Variants in GFPT2 observed in about 807,000 individuals in gnomAD.
GFPT2 encodes glutamine--fructose-6-phosphate aminotransferase [isomerizing] 2.
GFPT2 carries 62 observed loss-of-function variants against 85.6 expected under a neutral mutation model. The ratio of observed to expected loss-of-function variants is 0.72; its 90% CI spans 0.59 to 0.90. GFPT2 has a LOEUF of 0.90. GFPT2 is among the 40% of genes least tolerant of loss of function. The pLI is 0.00. For synonymous variants in GFPT2, 368 were observed against 344.5 expected (o/e 1.07, Z -0.75); for missense variants, 788 against 893.4 (o/e 0.88, Z 1.50).
intron 1 of GFPT2, chr5:180,352,300 C>A: frequency 2.5e-6 from 1 of 403,732 alleles, no homozygotes; most frequent in Non-Finnish European, 4.8e-6. Context: ...GGTCCTCCAG[C>A]CACAGGAGGC....
In GFPT2 at chr5:180,338,494, T is replaced by A. The variant is rs1170866065; in HGVS notation, c.114A>T (p.Ala38=). Residue 38 remains alanine, a splice_region_variant and synonymous_variant, in exon 2 of 19, where the codon GCA becomes GCT. Transcript: ENST00000253778. The part of the protein sequence containing the change: ...QRLEYRGYDS[A]GVAIDGNNHE... ...CGAGGCGGGCGGCCGCACACCCACCTGCCGAGTCGTAGCCTCTGTACTCCA... is the reference window on the plus strand; with the variant it reads ...CGAGGCGGGCGGCCGCACACCCACCAGCCGAGTCGTAGCCTCTGTACTCCA... 1 of 1,581,958 alleles carries A rather than the reference T, an allele frequency of 6.3e-7. No individual in the cohort carries two copies. The highest frequency in any genetic ancestry group is 2.2e-5 in the East Asian group (1 of 44,648).
chr5:180,313,589 CA>C (rs537260754), intron 14 of GFPT2, among the ~76,000 whole-genome samples: 2 of 139,158 alleles, frequency 1.4e-5, no homozygotes, highest in African/African-American at 5.3e-5. Flanking sequence ...GACTCCGTCT[CA>C]AAAAAAATAA....
intron 13 of GFPT2, among the ~76,000 whole-genome samples, chr5:180,316,046 T>C (rs1193476081): frequency 6.6e-6 from 1 of 152,210 alleles, no homozygotes; most frequent in Non-Finnish European, 1.5e-5. Context: ...AAGTGGTCCT[T>C]GAAGTCTTGG....
At position 180,330,770 on chromosome 5, in the gene GFPT2, T is replaced by C. The variant is rs1325466615; in HGVS notation, c.464A>G (p.Tyr155Cys). The change falls in exon 6 of 19, where the codon TAT becomes TGT. Residue 155 changes from tyrosine to cysteine, a missense_variant. Transcript: ENST00000253778. This position sits in a 1 kb window ranked among gnomAD's most constrained non-coding sequence, Gnocchi z 4.4. ...DTETIAKLIK[Y>C]VFDNRETEDI... ...CTCAGTTTCTCTGTTGTCGAACACA[T>C]ATTTAATCAGCTTGGCGATGGTCTC... The C allele has an allele frequency of 6.2e-7, 1 of 1,613,106 alleles. No individual in the cohort carries two copies. The highest frequency in any genetic ancestry group is 1.3e-5 in the African/African-American group (1 of 75,034).
chr5:180,337,868 T>C (rs1764431892), intron 2 of GFPT2, among the ~76,000 whole-genome samples: 1 of 152,190 alleles, frequency 6.6e-6, no homozygotes, highest in Non-Finnish European at 1.5e-5. Context: ...CCCTCTTGGC[T>C]GGGCTCACTG....
intron 6 of GFPT2, among the ~76,000 whole-genome samples, chr5:180,329,893 C>T (rs199511425): frequency 1.4e-3 from 209 of 152,322 alleles, no homozygotes; most frequent in Non-Finnish European, 2.3e-3. Context: ...TTGGACAATA[C>T]GCCCAGTGTG....
chr5:180,304,328 T>G (rs57931856), intron 17 of GFPT2, among the ~76,000 whole-genome samples: 26,703 of 152,240 alleles, frequency 0.18, 2,716 homozygotes, highest in East Asian at 0.35. Context: ...TCATAGTCAG[T>G]TGCTCAGATG....
chr5:180,342,409 T>G (rs1424209650), intron 1 of GFPT2, among the ~76,000 whole-genome samples: 2 of 91,968 alleles, frequency 2.2e-5, no homozygotes, highest in Non-Finnish European at 5.1e-5. Flanking sequence ...GGTGAAATGT[T>G]TTTTTTTTTT....
At position 180,350,532 on chromosome 5, in the gene GFPT2, T is replaced by C. The variant is rs1354921144; in HGVS notation, c.7+2679A>G. Among the ~76,000 whole-genome samples the C allele has an allele frequency of 2.0e-5, 3 of 152,042 alleles. No individual in the cohort carries two copies. The East Asian group carries it at 5.8e-4, about 29-fold the overall frequency. On this transcript the variant is annotated intron_variant, in intron 1 of 18. Transcript: ENST00000253778. Reference sequence around the variant, plus strand: ...CTAGCCCTGCGGCTCACCTGCCCCTTCTTTGAGGGGAGGACCACACCCATG... The same window carrying C: ...CTAGCCCTGCGGCTCACCTGCCCCTCCTTTGAGGGGAGGACCACACCCATG...
At chr5:180,344,656 C>A (rs1460969625) in intron 1 of GFPT2, among the ~76,000 whole-genome samples, 1 of 152,192 alleles carries the variant, frequency 6.6e-6, no homozygotes, top group African/African-American at 2.4e-5. Context: ...CCCAGCCAGG[C>A]CGGACCTCTG....
At chr5:180,341,650 G>T (rs1561883903) in intron 1 of GFPT2, among the ~76,000 whole-genome samples, 1 of 152,034 alleles carries the variant, frequency 6.6e-6, no homozygotes, top group African/African-American at 2.4e-5. Context: ...GCAGTTACAG[G>T]CGTTTTCCTT....
In GFPT2 at chr5:180,301,425, G is replaced by C; in HGVS notation, c.*139C>G. On this transcript the variant is annotated 3_prime_UTR_variant, in exon 19 of 19. Transcript: ENST00000253778. ...GTAAGCAAAAGCACTTGGGTAGAAG[G>C]CACGTGGAAGCTGTCAAGCTCTACA... 1.3e-6 allele frequency: 1 copy of C among 750,494 alleles called. No homozygotes were observed. Among genetic ancestry groups the C allele is most frequent in the South Asian group, 1.6e-5 (1 of 61,914 alleles). 46.5% of individuals were successfully genotyped at this position (750,494 alleles called of 1,614,324 possible).
At chr5:180,306,873 C>T (rs1763791367) in intron 16 of GFPT2, among the ~76,000 whole-genome samples, 1 of 152,202 alleles carries the variant, frequency 6.6e-6, no homozygotes, top group Admixed American at 6.5e-5. Context: ...TCTGAGTGAG[C>T]TGTTCCAAGT....
rs1763942497 is a variant in GFPT2 at position 180,313,629 on chromosome 5, A to AAAAAT, written c.1431+177_1431+178insATTTT. Among the ~76,000 whole-genome samples, 6 of 135,144 alleles carry AAAAAT rather than the reference A, an allele frequency of 4.4e-5. No individual in the cohort carries two copies. In the South Asian group the frequency reaches 1.4e-3, roughly 33 times the overall value. The allele number at this position is 135,144 out of a possible 152,430, so 88.7% of individuals were successfully genotyped here. A position where few individuals can be genotyped will look rare whatever the true frequency, so the allele number is the denominator to read the frequency against. ...AATAAAATAAAAATAAAAATAAAAA[A>AAAAAT]AATGAAGATACGGGAATCCAAGAGG... On this transcript the variant is annotated intron_variant, in intron 14 of 18. Transcript: ENST00000253778.
intron 4 of GFPT2, among the ~76,000 whole-genome samples, chr5:180,333,064 G>C (rs1047645758): frequency 1.3e-5 from 2 of 152,148 alleles, no homozygotes; most frequent in African/African-American, 4.8e-5. Context: ...CAGATGTGCT[G>C]ACCACAGCTC....
At chr5:180,343,302 T>C (rs1764554246) in intron 1 of GFPT2, among the ~76,000 whole-genome samples, 1 of 152,120 alleles carries the variant, frequency 6.6e-6, no homozygotes, top group Non-Finnish European at 1.5e-5. Context: ...TTCGGCACGC[T>C]CCGCAAGGCA....
chr5:180,337,545 A>G (rs1764425549), intron 2 of GFPT2, among the ~76,000 whole-genome samples: 1 of 152,220 alleles, frequency 6.6e-6, no homozygotes, highest in African/African-American at 2.4e-5. Flanking sequence ...CATAATTATA[A>G]TTAGGTAAAA....
chr5:180,324,214 C>A lies in GFPT2; in HGVS notation c.768G>T (p.Val256=). The A allele has an allele frequency of 6.2e-7, 1 of 1,608,548 alleles. No homozygotes were observed. Among genetic ancestry groups the A allele is most frequent in the South Asian group, 1.1e-5 (1 of 90,894 alleles). The change falls in exon 9 of 19, where the codon GTG becomes GTT. Residue 256 remains valine (V), a synonymous_variant. Coordinates refer to ENST00000253778, the MANE Select transcript of GFPT2 (RefSeq NM_005110.4). ...ACLHAVGDKA[V]EFFFASDASA... ...TTGCATCAGAAGCAAAGAAGAATTCCACGGCCTTGTCGCCCACAGCATGCA... is the reference window on the plus strand; with the variant it reads ...TTGCATCAGAAGCAAAGAAGAATTCAACGGCCTTGTCGCCCACAGCATGCA...
At chr5:180,317,561 C>G (rs548655968) in intron 10 of GFPT2, among the ~76,000 whole-genome samples, 1 of 151,102 alleles carries the variant, frequency 6.6e-6, no homozygotes, top group African/African-American at 2.5e-5. Context: ...AGATCGAGAC[C>G]ATCCCGGCTA....
Sources: allele counts gnomAD v4.1 joint callset (sites outside exome capture counted in the v4.1 genomes callset), GRCh38; gene constraint gnomAD v4.1.1; non-coding constraint Gnocchi (gnomAD v3.1); transcripts MANE v1.5; gene names NCBI Gene and HGNC (gene_info 2026-07-23, HGNC 2026-07-21).